Variants in CTPS1 observed in about 807,000 individuals in gnomAD.
CTPS1 encodes the protein CTP synthase 1.
CTPS1 carries 25 observed loss-of-function variants against 80.5 expected under a neutral mutation model. The observed-to-expected ratio is 0.31, with a 90% CI of 0.23 to 0.43. CTPS1 has a LOEUF of 0.43. Among genes scored for constraint, CTPS1 ranks in the 20% least tolerant of loss-of-function variants. The pLI, the probability that CTPS1 is intolerant of heterozygous loss-of-function variation, is 1.00. For synonymous variants in CTPS1, 267 were observed against 252.5 expected (o/e 1.06, Z -0.54); for missense variants, 442 against 725.7 (o/e 0.61, Z 4.49).
intron 16 of CTPS1, 136 bp from the exon 17 acceptor site, chr1:41,009,309 A>G: frequency 3.3e-6 from 3 of 919,214 alleles, no homozygotes; most frequent in Non-Finnish European, 4.8e-6. Flanking sequence ...GGTTCCCTTT[A>G]TCTAGATTCA....
At position 41,007,595 on chromosome 1, in the gene CTPS1, C is replaced by T. The variant is rs372153352; in HGVS notation, c.1393+50C>T. 12 of 1,516,284 alleles carry T rather than the reference C, an allele frequency of 7.9e-6. No homozygotes were observed. Among genetic ancestry groups the T allele is most frequent in the East Asian group, 6.8e-5 (3 of 44,372 alleles). The allele number at this position is 1,516,284 out of a possible 1,614,324, so 93.9% of individuals were successfully genotyped here. On this transcript the variant is annotated intron_variant, in intron 14 of 18. Coordinates refer to ENST00000650070, the MANE Select transcript of CTPS1 (RefSeq NM_001905.4). This position sits in a 1 kb window ranked among gnomAD's most constrained non-coding sequence, Gnocchi z 4.4. ...AGCCTTTGGCTCTGCGTGCCCAGGA[C>T]GCGTGTCTTAGGGTGATGCTGTGGC...
intron 12 of CTPS1, 136 bp from the exon 13 acceptor site, chr1:41,005,915 G>C: frequency 1.4e-6 from 1 of 708,264 alleles, no homozygotes; most frequent in South Asian, 1.7e-5. Flanking sequence ...ATGAGGTCAG[G>C]GGGATGCTAT....
intron 16 of CTPS1, 78 bp downstream of exon 16, chr1:41,008,968 T>TCC: frequency 1.7e-6 from 2 of 1,153,820 alleles, no homozygotes; most frequent in Middle Eastern, 2.2e-4. Context: ...AAAAATGTTA[T>TCC]CTTGTTGCTC....
chr1:41,004,393 C>G (rs977887685), intron 12 of CTPS1: 1 of 152,310 alleles, frequency 6.6e-6, no homozygotes, highest in Admixed American at 6.5e-5. Context: ...ACAGCATGCC[C>G]TTGAGTGCTG....
chr1:41,002,735 C>T (rs561687532), intron 11 of CTPS1, among the ~76,000 whole-genome samples: 13 of 152,242 alleles, frequency 8.5e-5, no homozygotes, highest in African/African-American at 3.1e-4. Context: ...AAACCCAACA[C>T]TTGTGGAGGC....
intron 1 of CTPS1, among the ~76,000 whole-genome samples, chr1:40,982,808 T>C (rs913558705): frequency 5.3e-5 from 8 of 152,238 alleles, no homozygotes; most frequent in African/African-American, 1.2e-4. Context: ...CTTGATGATA[T>C]GTTGTAGTTT....
intron 6 of CTPS1, 92 bp from the exon 7 acceptor site, chr1:40,991,673 C>A: frequency 1.2e-6 from 1 of 820,120 alleles, no homozygotes; most frequent in Non-Finnish European, 2.1e-6. Flanking sequence ...TTCATCTTAA[C>A]AATGTGATGT....
At chr1:41,011,401 G>A (rs181182967) in intron 18 of CTPS1, among the ~76,000 whole-genome samples, 4 of 152,318 alleles carry the variant, frequency 2.6e-5, no homozygotes, top group South Asian at 4.1e-4. Context: ...AGAATTGCCC[G>A]TTAGTGACAC....
At chr1:41,008,564 G>A (rs1643091863) in intron 14 of CTPS1, 95 bp from the exon 15 acceptor site, 1 of 1,332,718 alleles carries the variant, frequency 7.5e-7, no homozygotes, top group African/African-American at 1.4e-5. Flanking sequence ...CTGGCTGTGT[G>A]GATGATGAAA....
At chr1:40,985,016 C>G in intron 3 of CTPS1, 25 bp downstream of exon 3, 1 of 1,497,578 alleles carries the variant, frequency 6.7e-7, no homozygotes, top group Non-Finnish European at 9.0e-7. Context: ...ACCTTTAAAG[C>G]TTAAAAGTCT....
At chr1:40,993,141 G>C (rs1003906048) in intron 7 of CTPS1, among the ~76,000 whole-genome samples, 1 of 151,874 alleles carries the variant, frequency 6.6e-6, no homozygotes, top group Non-Finnish European at 1.5e-5. Context: ...ACCTCCACCT[G>C]CTGGGTTCAA....
At chr1:40,981,388 A>G (rs1012912939) in intron 1 of CTPS1, among the ~76,000 whole-genome samples, 2 of 152,264 alleles carry the variant, frequency 1.3e-5, no homozygotes, top group Non-Finnish European at 2.9e-5. Context: ...AATTGGGACA[A>G]ATCAAATGTA....
chr1:40,986,162 T>A lies in CTPS1; in HGVS notation c.337+1171T>A, dbSNP rs1207275497. 2.0e-5 allele frequency among the ~76,000 whole-genome samples: 3 copies of A among 152,284 alleles called. No individual in the cohort carries two copies. In the East Asian group the frequency reaches 5.8e-4, roughly 29 times the overall value. On this transcript the variant is annotated intron_variant, in intron 3 of 18. Transcript: ENST00000650070. The stretch of plus-strand genomic sequence containing the variant: ...AACAAACATGAAACAAAACGAGACG[T>A]CTGTCAGAAGCTGTGAAGAAACCAA...
Position 41,002,192 on chromosome 1 carries a change from G to A in CTPS1, c.1127G>A (p.Arg376Gln), listed in dbSNP as rs377341376. ...CTGGTTCCAGGAGGATTTGGTGTTCGAGGAACAGAAGGAAAAATCCAAGCA... is the reference window on the plus strand; with the variant it reads ...CTGGTTCCAGGAGGATTTGGTGTTCAAGGAACAGAAGGAAAAATCCAAGCA... ...GVLVPGGFGV[R>Q]GTEGKIQAIA... The change falls in exon 11 of 19, where the codon CGA (arginine) becomes CAA (glutamine). Residue 376 changes from arginine to glutamine, a missense_variant. Around this residue, in one of 4 missense-constraint regions of CTPS1, gnomAD observed 321 missense variants for 467.2 expected, o/e 0.69. Transcript: ENST00000650070. 3.7e-6 allele frequency: 6 copies of A among 1,614,144 alleles called. No individual in the cohort carries two copies. Among genetic ancestry groups the A allele is most frequent in the Non-Finnish European group, 4.2e-6 (5 of 1,180,016 alleles).
Position 41,002,230 on chromosome 1 carries a change from C to T in CTPS1, c.1165C>T (p.Arg389Trp), listed in dbSNP as rs1642920171. The change falls in exon 11 of 19, where the codon CGG becomes TGG. Residue 389 changes from arginine to tryptophan, a missense_variant. Coordinates refer to ENST00000650070, the MANE Select transcript of CTPS1 (RefSeq NM_001905.4). ...EGKIQAIAWA[R>W]NQKKPFLGVC... ...AAAAATCCAAGCAATTGCCTGGGCT[C>T]GGAATCAGAAAAAGCCTTTTTTGGG... is the stretch of plus-strand genomic sequence containing the variant. The T allele has an allele frequency of 6.2e-7, 1 of 1,614,088 alleles. No individual in the cohort carries two copies. The highest frequency in any genetic ancestry group is 1.3e-5 in the African/African-American group (1 of 75,006).
chr1:41,005,945 C>G (rs1643022901), intron 12 of CTPS1, 106 bp from the exon 13 acceptor site: 1 of 892,612 alleles, frequency 1.1e-6, no homozygotes, highest in South Asian at 1.5e-5. Flanking sequence ...TTGTTCTAAT[C>G]ACTGATCTTA....
At chr1:41,001,524 C>T (rs2148411782) in intron 10 of CTPS1, 2 of 187,688 alleles carry the variant, frequency 1.1e-5, no homozygotes, top group South Asian at 1.9e-4. Context: ...GTGTCTTGGT[C>T]AGTACGGCAC....
intron 9 of CTPS1, among the ~76,000 whole-genome samples, chr1:40,998,373 G>T (rs1008661645): frequency 7.2e-6 from 1 of 139,828 alleles, no homozygotes; most frequent in African/African-American, 2.8e-5. Context: ...ACTCCAGCCT[G>T]GGCAACAGAG....
chr1:41,006,172 G>A (rs1643028878), intron 13 of CTPS1, 78 bp downstream of exon 13: 1 of 1,223,454 alleles, frequency 8.2e-7, no homozygotes, highest in Non-Finnish European at 1.2e-6. Flanking sequence ...GATGATTAGA[G>A]ACAAGAAGTG....
Sources: gnomAD v4.1 joint callset for allele counts (sites outside exome capture counted in the v4.1 genomes callset) on GRCh38, gnomAD v4.1.1 for gene constraint, gnomAD v4.1.1 regional missense constraint, Gnocchi (gnomAD v3.1) non-coding constraint, MANE v1.5 for transcripts, NCBI Gene and HGNC (gene_info 2026-07-23, HGNC 2026-07-21) for gene names.